Variants in ATXN1 observed in about 807,000 individuals in gnomAD.
ATXN1 encodes the protein ataxin 1, also known as ataxin-1.
ATXN1 carries 8 observed loss-of-function variants against 56.4 expected under a neutral mutation model. The ratio of observed to expected loss-of-function variants is 0.14; its 90% confidence interval spans 0.08 to 0.26. The LOEUF (loss-of-function observed/expected upper bound fraction) is 0.26, where lower values mean the gene tolerates loss of function less well. ATXN1 is among the 10% of genes least tolerant of loss of function. The probability of loss-of-function intolerance (pLI) is 1.00; values close to 1 mark genes in which losing one functional copy is unlikely to be tolerated. For synonymous variants in ATXN1, 514 were observed against 494.6 expected, an observed-to-expected ratio of 1.04 and a Z score of -0.52; for missense variants, 987 against 1,106.5, an observed-to-expected ratio of 0.89 and a Z score of 1.53.
chr6:16,340,434 A>T (rs1761220124), intron 6 of ATXN1, among the ~76,000 whole-genome samples: 1 of 152,190 alleles, frequency 6.6e-6, no homozygotes, highest in Non-Finnish European at 1.5e-5. Flanking sequence ...AATGCTGTTC[A>T]TCACTTCATG....
intron 2 of ATXN1, among the ~76,000 whole-genome samples, chr6:16,667,837 T>A (rs925247616): frequency 4.6e-5 from 7 of 152,212 alleles, no homozygotes; most frequent in Non-Finnish European, 1.0e-4. Flanking sequence ...CCCACAATCG[T>A]TAAAAACATA....
chr6:16,310,996 A>G (rs569849677), intron 7 of ATXN1, among the ~76,000 whole-genome samples: 40 of 152,290 alleles, frequency 2.6e-4, no homozygotes, highest in African/African-American at 9.4e-4. Context: ...TTTTTAGAAG[A>G]GACAACTTGA....
intron 6 of ATXN1, among the ~76,000 whole-genome samples, chr6:16,474,464 T>G (rs569305111): frequency 6.6e-6 from 1 of 152,342 alleles, no homozygotes; most frequent in Admixed American, 6.5e-5. Context: ...AGTAGCTATG[T>G]GAGTGAGACC....
At chr6:16,727,150 C>A (rs1759868467) in intron 2 of ATXN1, among the ~76,000 whole-genome samples, 1 of 152,100 alleles carries the variant, frequency 6.6e-6, no homozygotes, top group South Asian at 2.1e-4. Flanking sequence ...CTCTTTCTCT[C>A]CTCTAGTAAA....
intron 2 of ATXN1, among the ~76,000 whole-genome samples, chr6:16,734,143 C>T (rs1365496973): frequency 6.6e-6 from 1 of 152,154 alleles, no homozygotes; most frequent in Non-Finnish European, 1.5e-5. Context: ...TGAATTATAA[C>T]CTGACAAGCT....
At chr6:16,662,487 C>T (rs1758339558) in intron 2 of ATXN1, among the ~76,000 whole-genome samples, 1 of 152,142 alleles carries the variant, frequency 6.6e-6, no homozygotes. Flanking sequence ...CACACGCCAC[C>T]ACGCCCAGCT....
At chr6:16,562,458 G>GGAAAGGAAAGGAAAGGAA (rs1561756150) in intron 4 of ATXN1, among the ~76,000 whole-genome samples, 7,983 of 51,768 alleles carry the variant, frequency 0.15, 334 homozygotes, top group Non-Finnish European at 0.29. Flanking sequence ...AAGAAAAGGA[G>GGAAAGGAAAGGAAAGGAA]AGGAGAGGAG....
intron 2 of ATXN1, among the ~76,000 whole-genome samples, chr6:16,682,489 G>A (rs1002946879): frequency 2.6e-5 from 4 of 152,080 alleles, no homozygotes; most frequent in African/African-American, 9.7e-5. Flanking sequence ...GAGCCACCGC[G>A]CCTGGCCTCT....
At chr6:16,357,253 TTTTA>T (rs1554140577) in intron 6 of ATXN1, among the ~76,000 whole-genome samples, 1 of 142,516 alleles carries the variant, frequency 7.0e-6, no homozygotes, top group African/African-American at 2.7e-5. Context: ...TTTTATTTTA[TTTTA>T]TTTATTTTAT....
At chr6:16,581,799 C>T (rs770761589) in intron 4 of ATXN1, among the ~76,000 whole-genome samples, 1 of 152,090 alleles carries the variant, frequency 6.6e-6, no homozygotes, top group Non-Finnish European at 1.5e-5. Flanking sequence ...ACAAGGTACA[C>T]GTGTTCTGGT....
intron 6 of ATXN1, among the ~76,000 whole-genome samples, chr6:16,348,132 C>A (rs1244009140): frequency 6.6e-6 from 1 of 152,214 alleles, no homozygotes; most frequent in Non-Finnish European, 1.5e-5. Flanking sequence ...CACAGTAGCA[C>A]AACCATAGTT....
intron 6 of ATXN1, among the ~76,000 whole-genome samples, chr6:16,484,936 C>A (rs1760510216): frequency 7.4e-6 from 1 of 136,000 alleles, no homozygotes; most frequent in Non-Finnish European, 1.5e-5. Flanking sequence ...AAGCTGGAAA[C>A]CTAAATATAT....
At chr6:16,643,252 C>CAAAAAAAAA (rs111830296) in intron 3 of ATXN1, among the ~76,000 whole-genome samples, 1 of 106,496 alleles carries the variant, frequency 9.4e-6, no homozygotes. Flanking sequence ...ACTCCCAACT[C>CAAAAAAAAA]AAAAAAAAAA....
chr6:16,647,014 G>GT (rs200033075), intron 3 of ATXN1, among the ~76,000 whole-genome samples: 54 of 151,678 alleles, frequency 3.6e-4, no homozygotes, highest in South Asian at 2.1e-3. Flanking sequence ...TGTTTGTTTT[G>GT]TTTTTTTTGA....
intron 4 of ATXN1, among the ~76,000 whole-genome samples, chr6:16,565,725 C>A (rs1762205014): frequency 6.6e-6 from 1 of 152,088 alleles, no homozygotes; most frequent in African/African-American, 2.4e-5. Flanking sequence ...TCCAGGTAAA[C>A]CATGTTAATA....
At chr6:16,543,656 G>C (rs868280942) in intron 4 of ATXN1, among the ~76,000 whole-genome samples, 1 of 133,668 alleles carries the variant, frequency 7.5e-6, no homozygotes, top group Non-Finnish European at 1.6e-5. Flanking sequence ...AAAAAAAAGA[G>C]AGAGAGAGAG....
chr6:16,568,243 C>T (rs148535471), intron 4 of ATXN1, among the ~76,000 whole-genome samples: 73 of 152,170 alleles, frequency 4.8e-4, no homozygotes, highest in African/African-American at 1.5e-3. Context: ...ATATTTGAAA[C>T]GCTGCCAAAG....
chr6:16,744,785 A>G (rs986361188), intron 2 of ATXN1, among the ~76,000 whole-genome samples: 1 of 152,180 alleles, frequency 6.6e-6, no homozygotes, highest in Non-Finnish European at 1.5e-5. Flanking sequence ...AGCTGCGGTA[A>G]TCTCATTTAT....
At chr6:16,471,711 G>A (rs1760222314) in intron 6 of ATXN1, among the ~76,000 whole-genome samples, 1 of 151,784 alleles carries the variant, frequency 6.6e-6, no homozygotes, top group African/African-American at 2.4e-5. Context: ...GTGTGTGTGT[G>A]AGACAGAAAG....
Sources: gnomAD v4.1 joint callset for allele counts (sites outside exome capture counted in the v4.1 genomes callset) on GRCh38, gnomAD v4.1.1 for gene constraint, MANE v1.5 for transcripts, NCBI Gene and HGNC (gene_info 2026-07-23, HGNC 2026-07-21) for gene names.